CD226: variants seen among roughly 807,000 people sequenced by gnomAD.
CD226 encodes CD226 molecule.
CD226 carries 24 observed loss-of-function variants against 34.9 expected under a neutral mutation model. That is an observed-to-expected ratio of 0.69 (90% CI 0.50 to 0.97). The LOEUF is 0.97. CD226 is among the 50% of genes least tolerant of loss of function. CD226 has a pLI of 0.00. For synonymous variants in CD226, 148 were observed against 147.4 expected (o/e 1.00, Z -0.03); for missense variants, 397 against 412.7 (o/e 0.96, Z 0.33).
upstream of CD226, among the ~76,000 whole-genome samples, chr18:69,950,346 T>C (rs1301488794): frequency 6.6e-6 from 1 of 152,190 alleles, no homozygotes; most frequent in Non-Finnish European, 1.5e-5. Flanking sequence ...CACCTGCTCT[T>C]TTACAGAAAA....
intron 2 of CD226, among the ~76,000 whole-genome samples, chr18:69,901,776 G>A (rs952434998): frequency 1.3e-5 from 2 of 152,126 alleles, no homozygotes; most frequent in African/African-American, 2.4e-5. Context: ...CTACTCAGGA[G>A]GCTGAGGCAG....
At chr18:69,955,651 C>G (rs934746434) in intron 1 of CD226, among the ~76,000 whole-genome samples, 2 of 152,088 alleles carry the variant, frequency 1.3e-5, no homozygotes, top group Non-Finnish European at 2.9e-5. Flanking sequence ...ATCATGAGGT[C>G]AGGAGATCGA....
At chr18:69,890,615 G>A (rs552503696) in intron 3 of CD226, among the ~76,000 whole-genome samples, 4 of 152,204 alleles carry the variant, frequency 2.6e-5, no homozygotes, top group African/African-American at 4.8e-5. Context: ...ACATTGAGAC[G>A]GCTGAAACTC....
chr18:69,938,915 C>T (rs2055688340), intron 2 of CD226, among the ~76,000 whole-genome samples: 1 of 152,100 alleles, frequency 6.6e-6, no homozygotes, highest in Non-Finnish European at 1.5e-5. Flanking sequence ...GCAAAACCCC[C>T]ATCTCTACAA....
chr18:69,933,198 T>G (rs1344045815), intron 2 of CD226, among the ~76,000 whole-genome samples: 2 of 152,146 alleles, frequency 1.3e-5, no homozygotes, highest in Non-Finnish European at 2.9e-5. Flanking sequence ...TCCGTGCTGT[T>G]GGTAGGGTCA....
intron 2 of CD226, among the ~76,000 whole-genome samples, chr18:69,934,279 TACACACAC>T (rs760259895): frequency 1.4e-5 from 1 of 73,100 alleles, no homozygotes; most frequent in South Asian, 6.3e-4. Context: ...ACACAGAGGA[TACACACAC>T]ACACACACAC....
upstream of CD226, among the ~76,000 whole-genome samples, chr18:69,949,290 AAAGCGGTG>A (rs1288205765): frequency 2.0e-5 from 3 of 152,228 alleles, no homozygotes. Context: ...GCTGATGGAG[AAAGCGGTG>A]CACACAACTT....
intron 2 of CD226, among the ~76,000 whole-genome samples, chr18:69,940,745 G>A (rs2055713974): frequency 6.6e-6 from 1 of 152,208 alleles, no homozygotes; most frequent in African/African-American, 2.4e-5. Context: ...GCCTGATGAT[G>A]CGACAGAAAA....
In CD226 at chr18:69,925,366, T is replaced by C. The variant is rs1299386349; in HGVS notation, c.382+21368A>G. 3.9e-5 allele frequency among the ~76,000 whole-genome samples: 6 copies of C among 152,232 alleles called. No individual in the cohort carries two copies. The East Asian group carries it at 7.7e-4, about 20-fold the overall frequency. On this transcript the variant is annotated intron_variant, in intron 2 of 5. Transcript: ENST00000582621. ...CTCTGCAAAGAAAAAGAATGCAAAT[T>C]CACCTGCTAGAATTTCCTGGGTAGA...
At chr18:69,895,338 C>T (rs1249803918) in intron 3 of CD226, among the ~76,000 whole-genome samples, 2 of 152,302 alleles carry the variant, frequency 1.3e-5, no homozygotes, top group East Asian at 1.9e-4. Flanking sequence ...GGGATTCTAA[C>T]ACCTTATCAC....
At chr18:69,891,164 A>T (rs1184240950) in intron 3 of CD226, among the ~76,000 whole-genome samples, 1 of 152,176 alleles carries the variant, frequency 6.6e-6, no homozygotes, top group Non-Finnish European at 1.5e-5. Flanking sequence ...GCATGCAAAG[A>T]TGGTTCAACA....
chr18:69,960,236 T>A, upstream of CD226, among the ~76,000 whole-genome samples: 2 of 139,802 alleles, frequency 1.4e-5, no homozygotes, highest in Non-Finnish European at 1.5e-5. Flanking sequence ...CGAGACTCCA[T>A]CTTAAAAAAA....
rs1384294241 is a variant in CD226 at position 69,860,900 on chromosome 18, C to T, written c.*3414G>A. 2 of 152,014 alleles carry T rather than the reference C, an allele frequency of 1.3e-5. No individual in the cohort carries two copies. 9.4% of individuals were successfully genotyped at this position (152,014 alleles called of 1,614,324 possible). On this transcript the variant is annotated 3_prime_UTR_variant, in exon 6 of 6. Transcript: ENST00000582621. ...CATCTTTATAATATCGTCAATCTTG[C>T]TGAAATTTCATATAAGCAGTACAAA...
chr18:69,893,781 C>T (rs1985042693), intron 3 of CD226, among the ~76,000 whole-genome samples: 1 of 152,164 alleles, frequency 6.6e-6, no homozygotes, highest in South Asian at 2.1e-4. Context: ...TATGTCTCAC[C>T]ACAGTTCCTA....
chr18:69,922,911 C>T (rs1279619050), intron 2 of CD226, among the ~76,000 whole-genome samples: 1 of 152,096 alleles, frequency 6.6e-6, no homozygotes, highest in Non-Finnish European at 1.5e-5. Context: ...GCAGGCAGAT[C>T]GCCTAAGGTC....
intron 3 of CD226, among the ~76,000 whole-genome samples, chr18:69,875,747 T>C (rs1983825388): frequency 6.6e-6 from 1 of 152,212 alleles, no homozygotes. Flanking sequence ...TGCTGTGAAA[T>C]CCTGCCATTT....
At chr18:69,921,673 A>G (rs1331747076) in intron 2 of CD226, among the ~76,000 whole-genome samples, 1 of 152,132 alleles carries the variant, frequency 6.6e-6, no homozygotes, top group East Asian at 1.9e-4. Flanking sequence ...ATTATCTTAA[A>G]TCACTTGTCT....
intron 3 of CD226, among the ~76,000 whole-genome samples, chr18:69,877,743 A>G (rs1336510468): frequency 2.6e-5 from 4 of 152,254 alleles, no homozygotes; most frequent in Admixed American, 1.3e-4. Flanking sequence ...ATAGATCTGC[A>G]TATCCTAATA....
At chr18:69,864,482 T>G in intron 5 of CD226, 43 bp from the exon 6 acceptor site, 1 of 1,597,606 alleles carries the variant, frequency 6.3e-7, no homozygotes, top group Non-Finnish European at 8.5e-7. Context: ...TTCACTGCAT[T>G]TCAACAACTA....
Sources: gnomAD v4.1 joint callset for allele counts (sites outside exome capture counted in the v4.1 genomes callset) on GRCh38, gnomAD v4.1.1 for gene constraint, MANE v1.5 for transcripts, NCBI Gene and HGNC (gene_info 2026-07-23, HGNC 2026-07-21) for gene names.